BMPR2: variants seen among roughly 807,000 people sequenced by gnomAD.
BMPR2 encodes bone morphogenetic protein receptor type-2.
A neutral mutation model predicts 100.8 loss-of-function variants in BMPR2; 29 were observed. The observed-to-expected ratio is 0.29, with a 90% CI of 0.21 to 0.39. BMPR2 has a LOEUF of 0.39. BMPR2 is among the 10% of genes least tolerant of loss of function. The pLI is 1.00. For synonymous variants in BMPR2, 382 were observed against 442.3 expected, an observed-to-expected ratio of 0.86 and a Z score of 1.71; for missense variants, 1,011 against 1,274.5, an observed-to-expected ratio of 0.79 and a Z score of 3.15.
intron 10 of BMPR2, among the ~76,000 whole-genome samples, chr2:202,544,761 C>CTTTTTTTTTT (rs56654364): frequency 4.4e-4 from 36 of 82,654 alleles, no homozygotes; most frequent in East Asian, 6.3e-4. Context: ...CTTTTTCTTT[C>CTTTTTTTTTT]TTTTTTTTTT....
intron 9 of BMPR2, among the ~76,000 whole-genome samples, chr2:202,536,086 G>A (rs1350997131): frequency 6.6e-6 from 1 of 151,984 alleles, no homozygotes; most frequent in African/African-American, 2.4e-5. Flanking sequence ...GAGGGAGACC[G>A]TGGGGAGAGG....
chr2:202,451,771 C>A (rs1326939064), intron 1 of BMPR2, among the ~76,000 whole-genome samples: 1 of 151,990 alleles, frequency 6.6e-6, no homozygotes, highest in Non-Finnish European at 1.5e-5. Context: ...GTTTTTGAGA[C>A]AGAGTTTCAC....
intron 1 of BMPR2, among the ~76,000 whole-genome samples, chr2:202,440,910 A>G (rs1387242008): frequency 6.6e-6 from 1 of 150,502 alleles, no homozygotes; most frequent in Non-Finnish European, 1.5e-5. Context: ...GGTGTTGTAT[A>G]TTTATTAAGA....
intron 9 of BMPR2, among the ~76,000 whole-genome samples, chr2:202,537,381 C>G (rs778489803): frequency 1.3e-5 from 2 of 152,066 alleles, no homozygotes; most frequent in African/African-American, 4.8e-5. Flanking sequence ...CGCTTTTGAT[C>G]TGATAAATAA....
intron 3 of BMPR2, among the ~76,000 whole-genome samples, chr2:202,480,826 G>A (rs951270636): frequency 1.3e-5 from 2 of 151,786 alleles, no homozygotes; most frequent in Non-Finnish European, 2.9e-5. Context: ...GTGGTGGCAT[G>A]TGCCTATAGT....
At chr2:202,496,850 C>G (rs1693041115) in intron 3 of BMPR2, among the ~76,000 whole-genome samples, 1 of 152,238 alleles carries the variant, frequency 6.6e-6, no homozygotes, top group South Asian at 2.1e-4. Flanking sequence ...ACTGTGGGAG[C>G]CACTTTCTGG....
chr2:202,517,881 C>T (rs550924695), intron 5 of BMPR2, among the ~76,000 whole-genome samples: 6 of 149,138 alleles, frequency 4.0e-5, no homozygotes, highest in East Asian at 4.0e-4. Context: ...GGCGCGACCT[C>T]GGCTCACTGC....
intron 1 of BMPR2, among the ~76,000 whole-genome samples, chr2:202,398,683 T>C (rs563422188): frequency 2.6e-5 from 4 of 152,230 alleles, no homozygotes; most frequent in Non-Finnish European, 4.4e-5. Flanking sequence ...TAAGGAGATA[T>C]TGAGCAAAAT....
intron 3 of BMPR2, among the ~76,000 whole-genome samples, chr2:202,504,760 A>G (rs954675472): frequency 5.4e-5 from 8 of 147,120 alleles, no homozygotes; most frequent in African/African-American, 2.1e-4. Context: ...GCTCACTGCA[A>G]CCTCCACCCT....
chr2:202,541,282 A>G (rs1278247838), intron 9 of BMPR2, among the ~76,000 whole-genome samples: 1 of 152,114 alleles, frequency 6.6e-6, no homozygotes, highest in Non-Finnish European at 1.5e-5. Flanking sequence ...CTCTACAAAA[A>G]TATTTTTAAA....
chr2:202,426,163 A>G (rs1040529528), intron 1 of BMPR2, among the ~76,000 whole-genome samples: 4 of 152,242 alleles, frequency 2.6e-5, no homozygotes, highest in Admixed American at 2.0e-4. Flanking sequence ...GTAACACTTT[A>G]CTTAGGCCCT....
chr2:202,391,716 G>C (rs1165773157), intron 1 of BMPR2, among the ~76,000 whole-genome samples: 2 of 151,358 alleles, frequency 1.3e-5, no homozygotes, highest in Non-Finnish European at 2.9e-5. Context: ...CCCCCGAGTA[G>C]CTGGGATTAT....
intron 1 of BMPR2, among the ~76,000 whole-genome samples, chr2:202,379,341 A>G (rs1292389377): frequency 1.3e-5 from 2 of 152,218 alleles, no homozygotes; most frequent in African/African-American, 4.8e-5. Flanking sequence ...AGTAAAGTAC[A>G]GAGAATTTGA....
At chr2:202,451,151 G>C (rs572422580) in intron 1 of BMPR2, among the ~76,000 whole-genome samples, 2 of 152,184 alleles carry the variant, frequency 1.3e-5, no homozygotes, top group South Asian at 4.1e-4. Flanking sequence ...TGTATTTTTA[G>C]ATACAGAATG....
At chr2:202,535,162 G>C (rs1252025542) in intron 9 of BMPR2, among the ~76,000 whole-genome samples, 2 of 146,114 alleles carry the variant, frequency 1.4e-5, no homozygotes, top group Non-Finnish European at 3.1e-5. Flanking sequence ...CCCGGATGGG[G>C]CGGCTGGCCT....
At chr2:202,440,372 C>G (rs1033605442) in intron 1 of BMPR2, among the ~76,000 whole-genome samples, 1 of 147,648 alleles carries the variant, frequency 6.8e-6, no homozygotes, top group African/African-American at 2.6e-5. Context: ...CCAGACGGGG[C>G]GGCGGGGCAG....
At chr2:202,505,712 A>G (rs1687508126) in intron 3 of BMPR2, among the ~76,000 whole-genome samples, 1 of 152,162 alleles carries the variant, frequency 6.6e-6, no homozygotes, top group South Asian at 2.1e-4. Context: ...TAAAGAAGTA[A>G]GAGCCTAGAA....
intron 3 of BMPR2, among the ~76,000 whole-genome samples, chr2:202,472,748 T>TA (rs1326247248): frequency 2.0e-5 from 3 of 152,242 alleles, no homozygotes; most frequent in Non-Finnish European, 4.4e-5. Context: ...ACCTAGGTCT[T>TA]AGTTTAGTTT....
chr2:202,389,580 T>TA (rs1274206240), intron 1 of BMPR2, among the ~76,000 whole-genome samples: 1 of 151,782 alleles, frequency 6.6e-6, no homozygotes, highest in East Asian at 1.9e-4. Context: ...TCATTTCTTT[T>TA]AAAAAACTTT....
Sources: allele counts gnomAD v4.1 joint callset (sites outside exome capture counted in the v4.1 genomes callset), GRCh38; gene constraint gnomAD v4.1.1; transcripts MANE v1.5; gene names NCBI Gene and HGNC (gene_info 2026-07-23, HGNC 2026-07-21).